The following GALNTL6 variants were observed in gnomAD, a reference collection of about 807,000 sequenced individuals.
GALNTL6 encodes the protein polypeptide N-acetylgalactosaminyltransferase-like 6.
In GALNTL6, 46 loss-of-function variants were observed where a neutral mutation model predicts 73.7. The observed-to-expected ratio is 0.62, with a 90% confidence interval of 0.49 to 0.80. The LOEUF (loss-of-function observed/expected upper bound fraction) is 0.80. Ranked by LOEUF, GALNTL6 falls within the 30% of genes least tolerant of loss-of-function variation. The pLI, the probability that GALNTL6 is intolerant of heterozygous loss-of-function variation, is 0.00. For synonymous variants in GALNTL6, 259 were observed against 263.7 expected (o/e 0.98, Z 0.17); for missense variants, 604 against 755.0 (o/e 0.80, Z 2.34).
Position 172,522,741 on chromosome 4 carries a change from T to A in GALNTL6, c.553+174052T>A, listed in dbSNP as rs1734826695. On this transcript the variant is annotated intron_variant, in intron 5 of 12. Transcript: ENST00000506823. ...TGAGGATGAGGGTTTTCATTCAATG[T>A]TGATTTATTACCACGCCATTTGTCA... Among the ~76,000 whole-genome samples the A allele has an allele frequency of 2.0e-5, 3 of 148,966 alleles. No homozygotes were observed. The South Asian group carries it at 6.5e-4, about 32-fold the overall frequency.
chr4:173,027,267 G>A (rs932452731), intron 12 of GALNTL6, among the ~76,000 whole-genome samples: 2 of 152,194 alleles, frequency 1.3e-5, no homozygotes, highest in Non-Finnish European at 2.9e-5. Context: ...ACAGGCGTGA[G>A]CCACCGCGCC....
intron 8 of GALNTL6, among the ~76,000 whole-genome samples, chr4:172,903,841 T>C (rs1381497391): frequency 1.3e-5 from 2 of 152,194 alleles, no homozygotes; most frequent in Non-Finnish European, 2.9e-5. Flanking sequence ...TCTATTTTTT[T>C]CAACTTTTAT....
At chr4:171,948,057 G>T (rs574958760) in intron 2 of GALNTL6, among the ~76,000 whole-genome samples, 1 of 152,122 alleles carries the variant, frequency 6.6e-6, no homozygotes, top group Non-Finnish European at 1.5e-5. Context: ...TAGTGAGATG[G>T]GGGGAATACT....
chr4:171,951,188 A>C (rs2111031201), intron 2 of GALNTL6, among the ~76,000 whole-genome samples: 1 of 152,208 alleles, frequency 6.6e-6, no homozygotes, highest in South Asian at 2.1e-4. Flanking sequence ...GAAGAAAAGA[A>C]GTTGCTAAAA....
At chr4:172,308,569 T>C (rs1364955759) in intron 3 of GALNTL6, among the ~76,000 whole-genome samples, 1 of 152,194 alleles carries the variant, frequency 6.6e-6, no homozygotes, top group Non-Finnish European at 1.5e-5. Flanking sequence ...AGATGCTTTT[T>C]CTGCATCTAT....
intron 5 of GALNTL6, among the ~76,000 whole-genome samples, chr4:172,636,979 A>G (rs1739723628): frequency 6.6e-6 from 1 of 152,146 alleles, no homozygotes. Context: ...CTAATTTTCT[A>G]CAGATTTGTC....
At chr4:172,945,501 T>C (rs1330215219) in intron 9 of GALNTL6, among the ~76,000 whole-genome samples, 1 of 152,256 alleles carries the variant, frequency 6.6e-6, no homozygotes, top group Non-Finnish European at 1.5e-5. Flanking sequence ...TTAAGACACA[T>C]TGTTAGCTCA....
chr4:172,544,913 TTTTGA>T (rs1735692120), intron 5 of GALNTL6, among the ~76,000 whole-genome samples: 2 of 152,182 alleles, frequency 1.3e-5, no homozygotes, highest in South Asian at 4.1e-4. Flanking sequence ...ATTCCTCAGA[TTTTGA>T]TTTATGTTTA....
intron 5 of GALNTL6, among the ~76,000 whole-genome samples, chr4:172,555,435 T>G (rs575889220): frequency 1.3e-5 from 2 of 152,204 alleles, no homozygotes; most frequent in South Asian, 4.1e-4. Context: ...CTAATACAAT[T>G]GTTATCTCAA....
intron 2 of GALNTL6, among the ~76,000 whole-genome samples, chr4:171,960,794 T>C (rs898134301): frequency 6.0e-5 from 9 of 151,256 alleles, no homozygotes; most frequent in African/African-American, 2.2e-4. Context: ...GACAATCTGG[T>C]GTTGAACTAT....
intron 5 of GALNTL6, among the ~76,000 whole-genome samples, chr4:172,496,792 A>T (rs1734085278): frequency 6.6e-6 from 1 of 152,196 alleles, no homozygotes. Flanking sequence ...AGAGATTTAG[A>T]TCTAAATTCT....
In GALNTL6 at chr4:171,998,841, A is replaced by G. The variant is rs182755938; in HGVS notation, c.138+184123A>G. ...AAAACTGAAATAATGGTTGTTAGAG[A>G]TGTTTCAGAGTTGGCTTAATCCCAT... On this transcript the variant is annotated intron_variant, in intron 2 of 12. Coordinates refer to ENST00000506823, the MANE Select transcript of GALNTL6 (RefSeq NM_001034845.3). Among the ~76,000 whole-genome samples the G allele has an allele frequency of 1.1e-3, 167 of 152,254 alleles. 2 individuals carry two copies. The highest frequency in any genetic ancestry group is 5.3e-4 in the Non-Finnish European group (36 of 68,022).
chr4:172,944,049 C>CA (rs1412508590), intron 9 of GALNTL6, among the ~76,000 whole-genome samples: 3 of 151,940 alleles, frequency 2.0e-5, no homozygotes, highest in African/African-American at 7.2e-5. Flanking sequence ...TTCTAGAATA[C>CA]AAAAACAAAG....
intron 3 of GALNTL6, among the ~76,000 whole-genome samples, chr4:172,246,802 T>TTATATA (rs35337142): frequency 6.1e-5 from 9 of 147,420 alleles, no homozygotes; most frequent in African/African-American, 2.0e-4. Context: ...GCCAGGCGAT[T>TTATATA]TATATATATA....
chr4:172,007,912 T>A (rs1740886283), intron 2 of GALNTL6, among the ~76,000 whole-genome samples: 1 of 151,646 alleles, frequency 6.6e-6, no homozygotes, highest in African/African-American at 2.4e-5. Flanking sequence ...TTTTATTAGA[T>A]TTTTTTTTCA....
intron 2 of GALNTL6, among the ~76,000 whole-genome samples, chr4:172,030,097 A>C (rs1028771488): frequency 6.6e-6 from 1 of 152,308 alleles, no homozygotes; most frequent in Non-Finnish European, 1.5e-5. Flanking sequence ...AAACTTTCCA[A>C]GGTCACTAAG....
At chr4:171,950,626 G>A (rs1578999875) in intron 2 of GALNTL6, among the ~76,000 whole-genome samples, 2 of 151,486 alleles carry the variant, frequency 1.3e-5, no homozygotes, top group East Asian at 3.9e-4. Context: ...ACTACAGGCG[G>A]GCACCACCAC....
rs372936198 is a variant in GALNTL6, at chr4:172,587,555, A to G, written c.554-221806A>G. On this transcript the variant is annotated intron_variant, in intron 5 of 12. Coordinates refer to ENST00000506823, the MANE Select transcript of GALNTL6 (RefSeq NM_001034845.3). ...AGTGTGTCTCCCACCAACCTTTCCA[A>G]TGTAATCTCTCATCACCATTCAATA... Among the ~76,000 whole-genome samples the G allele has an allele frequency of 2.4e-4, 37 of 152,262 alleles. 1 individual carries two copies. In the East Asian group the frequency reaches 4.3e-3, roughly 18 times the overall value.
intron 10 of GALNTL6, among the ~76,000 whole-genome samples, chr4:172,996,366 C>T (rs1469088969): frequency 2.0e-5 from 3 of 151,890 alleles, no homozygotes; most frequent in Non-Finnish European, 4.4e-5. Context: ...TAGAGGGGAA[C>T]AGCACACACC....
Sources: allele counts gnomAD v4.1 joint callset (sites outside exome capture counted in the v4.1 genomes callset), GRCh38; gene constraint gnomAD v4.1.1; transcripts MANE v1.5; gene names NCBI Gene and HGNC (gene_info 2026-07-23, HGNC 2026-07-21).